Variants in NCOA2 observed in about 807,000 individuals in gnomAD.
NCOA2 encodes nuclear receptor coactivator 2.
NCOA2 carries 21 observed loss-of-function variants against 145.1 expected under a neutral mutation model. That is an observed-to-expected ratio of 0.14 (90% confidence interval 0.10 to 0.21). The LOEUF is 0.21. Among genes scored for constraint, NCOA2 ranks in the 10% least tolerant of loss-of-function variants. NCOA2 has a pLI of 1.00. For synonymous variants in NCOA2, 619 were observed against 637.5 expected (o/e 0.97, Z 0.44); for missense variants, 1,472 against 1,837.6 (o/e 0.80, Z 3.64).
At chr8:70,264,496 TAACAACAAC>T (rs200707113) in intron 2 of NCOA2, among the ~76,000 whole-genome samples, 10 of 151,920 alleles carry the variant, frequency 6.6e-5, no homozygotes, top group Non-Finnish European at 2.9e-5. Flanking sequence ...CTCCATCTCT[TAACAACAAC>T]AACAACAACA....
At chr8:70,234,680 T>C (rs1426481554) in intron 2 of NCOA2, among the ~76,000 whole-genome samples, 1 of 152,206 alleles carries the variant, frequency 6.6e-6, no homozygotes, top group African/African-American at 2.4e-5. Context: ...GAGAGGTGCC[T>C]ACTCAAATCC....
the NCOA2 span, among the ~76,000 whole-genome samples, chr8:70,412,967 G>C: frequency 2.6e-5 from 4 of 151,628 alleles, no homozygotes; most frequent in African/African-American, 9.7e-5. Flanking sequence ...GTGTGGTGGT[G>C]CACACCTGTA....
At chr8:70,218,066 G>T (rs192132893) in intron 2 of NCOA2, among the ~76,000 whole-genome samples, 39 of 152,248 alleles carry the variant, frequency 2.6e-4, no homozygotes, top group Non-Finnish European at 4.9e-4. Flanking sequence ...AAAGAGCAAG[G>T]AGGGCTAAGG....
intron 4 of NCOA2, among the ~76,000 whole-genome samples, chr8:70,197,591 C>A (rs1817464989): frequency 6.6e-6 from 1 of 152,212 alleles, no homozygotes; most frequent in African/African-American, 2.4e-5. Flanking sequence ...TAGAAGATAT[C>A]TGGCCAATGT....
chr8:70,403,235 G>C (rs1264747315), intron 1 of NCOA2, among the ~76,000 whole-genome samples: 1 of 151,410 alleles, frequency 6.6e-6, no homozygotes, highest in East Asian at 2.0e-4. Flanking sequence ...AGGGGTTAGA[G>C]CCTCGGTCTC....
chr8:70,217,224 C>T (rs1003131977), intron 2 of NCOA2, among the ~76,000 whole-genome samples: 6 of 152,192 alleles, frequency 3.9e-5, no homozygotes, highest in African/African-American at 1.4e-4. Flanking sequence ...GGGGAAGAGC[C>T]AGTGCCAGGA....
At chr8:70,446,543 A>G in the NCOA2 span, among the ~76,000 whole-genome samples, 1 of 152,160 alleles carries the variant, frequency 6.6e-6, no homozygotes, top group Admixed American at 6.5e-5. Flanking sequence ...TTCCTGGGTC[A>G]TCATTACATA....
At chr8:70,252,611 A>G (rs1324679390) in intron 2 of NCOA2, among the ~76,000 whole-genome samples, 2 of 152,192 alleles carry the variant, frequency 1.3e-5, no homozygotes, top group Non-Finnish European at 2.9e-5. Context: ...GAGTCAAAAG[A>G]AAGTGACAAT....
chr8:70,226,240 G>T (rs1025498979), intron 2 of NCOA2, among the ~76,000 whole-genome samples: 1 of 151,954 alleles, frequency 6.6e-6, no homozygotes, highest in Admixed American at 6.6e-5. Context: ...ACTTTTGTGA[G>T]TTTATAATAA....
intron 2 of NCOA2, among the ~76,000 whole-genome samples, chr8:70,254,495 A>G (rs1462502132): frequency 6.6e-6 from 1 of 152,230 alleles, no homozygotes; most frequent in Non-Finnish European, 1.5e-5. Context: ...GAATAAACAA[A>G]ATGTGGTACA....
At chr8:70,274,205 G>GAAAA (rs201704083) in intron 2 of NCOA2, among the ~76,000 whole-genome samples, 4 of 112,144 alleles carry the variant, frequency 3.6e-5, no homozygotes, top group Admixed American at 9.3e-5. Flanking sequence ...CTCATGTTTG[G>GAAAA]AAAAAAAAAA....
chr8:70,387,524 C>T (rs1177815883), intron 1 of NCOA2, among the ~76,000 whole-genome samples: 1 of 152,160 alleles, frequency 6.6e-6, no homozygotes, highest in African/African-American at 2.4e-5. Flanking sequence ...CAACTTTCTA[C>T]AAATTAGCCT....
chr8:70,162,904 G>C, intron 8 of NCOA2, 50 bp from the exon 9 acceptor site: 1 of 1,149,018 alleles, frequency 8.7e-7, no homozygotes, highest in Non-Finnish European at 1.2e-6. Flanking sequence ...TATTCTTTAT[G>C]GAAATAATTT....
rs919911438 is a variant in NCOA2 at position 70,378,431 on chromosome 8, A to C, written c.-77+25269T>G. Among the ~76,000 whole-genome samples the C allele has an allele frequency of 6.6e-5, 10 of 152,178 alleles. No individual in the cohort carries two copies. In the East Asian group the frequency reaches 1.2e-3, roughly 18 times the overall value. ...AGAAATGGGAAGGAACACCTAACCC[A>C]ACGCCATTATAAAGTAGGAGATCCC... On this transcript the variant is annotated intron_variant, in intron 1 of 22. Coordinates refer to ENST00000452400, the MANE Select transcript of NCOA2 (RefSeq NM_006540.4).
Position 70,128,520 on chromosome 8 carries a change from T to C in NCOA2, c.3604-10A>G, listed in dbSNP as rs1285984408. The C allele has an allele frequency of 6.2e-7, 1 of 1,610,354 alleles. No homozygotes were observed. The highest frequency in any genetic ancestry group is 8.5e-7 in the Non-Finnish European group (1 of 1,177,918). On this transcript the variant is annotated splice_polypyrimidine_tract_variant and intron_variant, in intron 17 of 22. Transcript: ENST00000452400. Reference sequence around the variant, plus strand: ...TAAGTGGCTGGCGATTCTAAATACATACAAACAGGATGAATACATTTTAAG... The same window carrying C: ...TAAGTGGCTGGCGATTCTAAATACACACAAACAGGATGAATACATTTTAAG...
At chr8:70,118,849 C>T (rs1026673090) in intron 22 of NCOA2, among the ~76,000 whole-genome samples, 4 of 151,954 alleles carry the variant, frequency 2.6e-5, no homozygotes, top group South Asian at 4.2e-4. Flanking sequence ...CTTCTACACT[C>T]GGCTAATTTT....
chr8:70,186,670 CA>C (rs1563587360), intron 4 of NCOA2, among the ~76,000 whole-genome samples: 1 of 152,116 alleles, frequency 6.6e-6, no homozygotes, highest in African/African-American at 2.4e-5. Flanking sequence ...GCATATGTAA[CA>C]AATAAACCTG....
chr8:70,124,019 G>T lies in NCOA2; in HGVS notation c.4158C>A (p.Asn1386Lys). 1 of 1,614,014 alleles carries T rather than the reference G, an allele frequency of 6.2e-7. No individual in the cohort carries two copies. Among genetic ancestry groups the T allele is most frequent in the African/African-American group, 1.3e-5 (1 of 75,060 alleles). Residue 1386 changes from asparagine (N) to lysine (K), a missense_variant, in exon 21 of 23, where the codon AAC becomes AAA. Asn to Lys is a moderately conservative substitution (Grantham distance 94). Coordinates refer to ENST00000452400, the MANE Select transcript of NCOA2 (RefSeq NM_006540.4). The stretch of plus-strand genomic sequence containing the variant: ...CCATGGACACATTGATGTTCATGTT[G>T]TTACTGTACATGCTGGTGTTTGCTT... ...GQQANTSMYS[N>K]NMNINVSMAT... is the part of the protein sequence containing the mutation.
At chr8:70,191,531 A>T (rs1816674238) in intron 4 of NCOA2, among the ~76,000 whole-genome samples, 2 of 152,212 alleles carry the variant, frequency 1.3e-5, no homozygotes, top group Admixed American at 1.3e-4. Flanking sequence ...TCCTCTGAAG[A>T]GATGAACCTT....
Sources: allele counts gnomAD v4.1 joint callset (sites outside exome capture counted in the v4.1 genomes callset), GRCh38; gene constraint gnomAD v4.1.1; transcripts MANE v1.5; gene names NCBI Gene and HGNC (gene_info 2026-07-23, HGNC 2026-07-21).